Variants in PPIH observed in about 807,000 individuals in gnomAD.
PPIH encodes peptidylprolyl isomerase H, also known as peptidyl-prolyl cis-trans isomerase H.
PPIH carries 16 observed loss-of-function variants against 27.6 expected under a neutral mutation model. That is an observed-to-expected ratio of 0.58 (90% confidence interval 0.39 to 0.88). The LOEUF (loss-of-function observed/expected upper bound fraction) is 0.88, where lower values mean the gene tolerates loss of function less well. PPIH is among the 40% of genes least tolerant of loss of function. The probability of loss-of-function intolerance (pLI) is 0.00; values close to 1 mark genes in which losing one functional copy is unlikely to be tolerated. For missense variants in PPIH, 155 were observed against 224.1 expected, an observed-to-expected ratio of 0.69 and a Z score of 1.97; for synonymous variants, 63 against 76.1, an observed-to-expected ratio of 0.83 and a Z score of 0.90.
At chr1:42,662,975 A>T (rs1458712182) in intron 5 of PPIH, among the ~76,000 whole-genome samples, 1 of 152,232 alleles carries the variant, frequency 6.6e-6, no homozygotes, top group African/African-American at 2.4e-5. Flanking sequence ...TTATGAATAG[A>T]CAAGTTATTT....
At chr1:42,679,853 CTCCAT>C (rs1649978172), downstream of PPIH, among the ~76,000 whole-genome samples, 1 of 152,246 alleles carries the variant, frequency 6.6e-6, no homozygotes, top group Non-Finnish European at 1.5e-5. Flanking sequence ...TCCACCCACT[CTCCAT>C]ACACATTGCT....
intron 3 of PPIH, 106 bp from the exon 4 acceptor site, chr1:42,659,416 T>C (rs756891368): frequency 6.2e-7 from 1 of 1,614,184 alleles, no homozygotes; most frequent in South Asian, 1.1e-5. Flanking sequence ...CTTCTTTATG[T>C]CTGTCAACCA....
chr1:42,673,761 C>T (rs998965196), intron 9 of PPIH, among the ~76,000 whole-genome samples: 7 of 152,120 alleles, frequency 4.6e-5, no homozygotes, highest in East Asian at 3.8e-4. Flanking sequence ...GGAAAAAATA[C>T]GGAATTAGCA....
chr1:42,664,319 A>G (rs931720708), intron 5 of PPIH, among the ~76,000 whole-genome samples: 26 of 152,158 alleles, frequency 1.7e-4, no homozygotes, highest in Admixed American at 3.3e-4. Flanking sequence ...CCTCAAAGAG[A>G]GCATCTATCC....
intron 9 of PPIH, among the ~76,000 whole-genome samples, chr1:42,675,857 C>T (rs561538673): frequency 6.6e-6 from 1 of 152,148 alleles, no homozygotes; most frequent in Non-Finnish European, 1.5e-5. Flanking sequence ...AGAGAGCCAT[C>T]AGAGTCTGAC....
Position 42,664,899 on chromosome 1 carries a change from C to T in PPIH, c.280C>T (p.Pro94Ser), listed in dbSNP as rs1048282901. Reference sequence around the variant, plus strand: ...TGGAGTCGCCAGTATTTACCGGGGGCCATTTGCAGATGAAAATTTTAAACT... The same window carrying T: ...TGGAGTCGCCAGTATTTACCGGGGGTCATTTGCAGATGAAAATTTTAAACT... The part of the protein sequence containing the change: ...GTGVASIYRG[P>S]FADENFKLRH... Residue 94 changes from proline (P) to serine (S), a missense_variant, in exon 6 of 10, where the codon CCA becomes TCA. Physicochemically the swap from Pro to Ser is moderately conservative, Grantham distance 74. Coordinates refer to ENST00000304979, the MANE Select transcript of PPIH (RefSeq NM_006347.4). 3 of 1,613,590 alleles carry T rather than the reference C, an allele frequency of 1.9e-6. No homozygotes were observed. In the African/African-American group the frequency reaches 4.0e-5, roughly 22 times the overall value.
chr1:42,663,914 C>G (rs1649188717), intron 5 of PPIH, among the ~76,000 whole-genome samples: 1 of 152,134 alleles, frequency 6.6e-6, no homozygotes, highest in African/African-American at 2.4e-5. Context: ...CTTTTTGGCA[C>G]TCCTCAATAT....
At chr1:42,681,193 G>A (rs963098881), downstream of PPIH, 10 of 152,024 alleles carry the variant, frequency 6.6e-5, no homozygotes, top group African/African-American at 2.2e-4. Flanking sequence ...CTTCCCCTCA[G>A]GATATATTTC....
intron 5 of PPIH, among the ~76,000 whole-genome samples, chr1:42,662,724 G>C (rs1557512000): frequency 6.6e-6 from 1 of 152,276 alleles, no homozygotes; most frequent in East Asian, 1.9e-4. Flanking sequence ...CAAAAGAAAA[G>C]TGCAAAGAAG....
At chr1:42,662,402 T>C (rs1488227797) in intron 5 of PPIH, among the ~76,000 whole-genome samples, 1 of 152,090 alleles carries the variant, frequency 6.6e-6, no homozygotes, top group Non-Finnish European at 1.5e-5. Flanking sequence ...TTTTTTATTT[T>C]TTTATTTTTG....
rs1256874996 is a variant in PPIH at position 42,659,620 on chromosome 1, T to C, written c.200+54T>C. ...TCTTTCAGAAATATTTCCTGGGGGA[T>C]TAGGCTCTTTAGAGGAAAATAAAAC... On this transcript the variant is annotated intron_variant, in intron 4 of 9. Transcript: ENST00000304979. 3 of 1,573,846 alleles carry C rather than the reference T, an allele frequency of 1.9e-6. 1 individual carries two copies. In the Admixed American group the frequency reaches 5.9e-5, roughly 31 times the overall value.
chr1:42,659,628 T>G, intron 4 of PPIH, 62 bp downstream of exon 4: 1 of 1,558,274 alleles, frequency 6.4e-7, no homozygotes, highest in Non-Finnish European at 8.6e-7. Flanking sequence ...GATTAGGCTC[T>G]TTAGAGGAAA....
intron 5 of PPIH, among the ~76,000 whole-genome samples, chr1:42,662,998 A>G (rs779501269): frequency 1.3e-5 from 2 of 152,208 alleles, no homozygotes; most frequent in African/African-American, 2.4e-5. Flanking sequence ...TCAATTCACT[A>G]TAGTTGAAGA....
At chr1:42,666,518 A>G in intron 7 of PPIH, 29 bp from the exon 8 acceptor site, 4 of 1,610,244 alleles carry the variant, frequency 2.5e-6, no homozygotes, top group Admixed American at 3.3e-5. Flanking sequence ...GTAAACAAGA[A>G]TAAAGTCCAG....
At chr1:42,665,019 C>A in intron 6 of PPIH, 64 bp downstream of exon 6, 1 of 1,346,488 alleles carries the variant, frequency 7.4e-7, no homozygotes, top group South Asian at 1.2e-5. Context: ...CTCTTGAGGC[C>A]CAGTGCTGTC....
Position 42,658,842 on chromosome 1 carries a change from A to C in PPIH, c.67-2A>C, listed in dbSNP as rs754054124. 11 of 1,614,166 alleles carry C rather than the reference A, an allele frequency of 6.8e-6. No individual in the cohort carries two copies. In the East Asian group the frequency reaches 2.2e-4, roughly 33 times the overall value. On this transcript the variant is annotated splice_acceptor_variant, in intron 1 of 9. Transcript: ENST00000304979. LOFTEE classifies it high-confidence loss of function. ...CTTCTGACACTCTCCCGCTGATTGC[A>C]GGAAGTTGGCCGCATGAAGATCGAG...
Position 42,661,274 on chromosome 1 carries a change from A to G in PPIH, c.243+370A>G, listed in dbSNP as rs187286767. On this transcript the variant is annotated intron_variant, in intron 5 of 9. Coordinates refer to ENST00000304979, the MANE Select transcript of PPIH (RefSeq NM_006347.4). ...TTTTGTTTTTTTCTGAATGGAGGTA[A>G]GTCTCCTTCTAGTGGGCTAAATGCT... Among the ~76,000 whole-genome samples the G allele has an allele frequency of 2.8e-3, 422 of 152,260 alleles. 1 individual carries two copies. Among genetic ancestry groups the G allele is most frequent in the Non-Finnish European group, 4.1e-3 (280 of 68,014 alleles).
chr1:42,679,716 G>C (rs1649975428), downstream of PPIH, among the ~76,000 whole-genome samples: 2 of 152,238 alleles, frequency 1.3e-5, no homozygotes, highest in African/African-American at 2.4e-5. Flanking sequence ...TTTGTAACTG[G>C]AGAAAAGCTC....
intron 1 of PPIH, 63 bp from the exon 2 acceptor site, chr1:42,658,781 C>G: frequency 6.3e-7 from 1 of 1,575,360 alleles, no homozygotes; most frequent in East Asian, 2.2e-5. Context: ...CATCATGCCC[C>G]CTGCTCCGTG....
Sources: gnomAD v4.1 joint callset for allele counts (sites outside exome capture counted in the v4.1 genomes callset) on GRCh38, gnomAD v4.1.1 for gene constraint, MANE v1.5 for transcripts, NCBI Gene and HGNC (gene_info 2026-07-23, HGNC 2026-07-21) for gene names.